AIM2: variants seen among roughly 807,000 people sequenced by gnomAD.
The protein encoded by AIM2 is absent in melanoma 2.
AIM2 carries 30 observed loss-of-function variants against 27.7 expected under a neutral mutation model. The ratio of observed to expected loss-of-function variants is 1.08; its 90% CI spans 0.81 to 1.47. The LOEUF (loss-of-function observed/expected upper bound fraction) is 1.47, where lower values mean the gene tolerates loss of function less well. AIM2 is among the 40% of genes most tolerant of loss of function. The probability of loss-of-function intolerance (pLI) is 0.00; values close to 1 mark genes in which losing one functional copy is unlikely to be tolerated. For synonymous variants in AIM2, 141 were observed against 145.3 expected (o/e 0.97, Z 0.21); for missense variants, 358 against 411.3 (o/e 0.87, Z 1.12).
intron 1 of AIM2, among the ~76,000 whole-genome samples, chr1:159,126,630 C>T (rs568371003): frequency 8.2e-6 from 1 of 121,838 alleles, no homozygotes; most frequent in South Asian, 2.5e-4. Flanking sequence ...GCCTGGGTGA[C>T]AGAGCGAGAC....
At chr1:159,133,453 A>T (rs914232210) in intron 1 of AIM2, among the ~76,000 whole-genome samples, 12 of 152,066 alleles carry the variant, frequency 7.9e-5, no homozygotes, top group Non-Finnish European at 1.6e-4. Context: ...TAGCTTCCTC[A>T]CCACCCTCTC....
chr1:159,080,171 A>C (rs1381507595), upstream of AIM2, among the ~76,000 whole-genome samples: 2 of 152,172 alleles, frequency 1.3e-5, no homozygotes, highest in African/African-American at 4.8e-5. Context: ...TGTGGACTTA[A>C]TTTTTCAACT....
chr1:159,109,062 CA>C (rs1039379123), intron 1 of AIM2, among the ~76,000 whole-genome samples: 5 of 151,954 alleles, frequency 3.3e-5, no homozygotes, highest in Non-Finnish European at 7.4e-5. Context: ...CATAAGGAAC[CA>C]AAAAACAGCT....
At chr1:159,110,797 C>G (rs182260766) in intron 1 of AIM2, among the ~76,000 whole-genome samples, 1 of 152,182 alleles carries the variant, frequency 6.6e-6, no homozygotes, top group African/African-American at 2.4e-5. Flanking sequence ...TCACTGCACA[C>G]ATATTAATTT....
chr1:159,129,342 T>C (rs951313976), intron 1 of AIM2, among the ~76,000 whole-genome samples: 1 of 152,194 alleles, frequency 6.6e-6, no homozygotes, highest in African/African-American at 2.4e-5. Flanking sequence ...TTTGGGGAAA[T>C]TTGTTATGGC....
At chr1:159,109,211 A>T (rs1286154929) in intron 1 of AIM2, among the ~76,000 whole-genome samples, 1 of 152,196 alleles carries the variant, frequency 6.6e-6, no homozygotes, top group Non-Finnish European at 1.5e-5. Flanking sequence ...AAAAATAGGC[A>T]CATAGAGCAA....
intron 1 of AIM2, among the ~76,000 whole-genome samples, chr1:159,107,331 T>TGTGTGTGTGTGC (rs1337639775): frequency 4.0e-5 from 6 of 150,144 alleles, no homozygotes; most frequent in African/African-American, 1.5e-4. Context: ...TGTGTGTGTG[T>TGTGTGTGTGTGC]GCGCGCACTA....
At chr1:159,061,056 A>T (rs996903397), downstream of AIM2, among the ~76,000 whole-genome samples, 1 of 152,306 alleles carries the variant, frequency 6.6e-6, no homozygotes. Flanking sequence ...AGCATTGTAG[A>T]TGCATATTAA....
intron 1 of AIM2, among the ~76,000 whole-genome samples, chr1:159,094,001 A>G (rs556342076): frequency 1.4e-4 from 22 of 152,090 alleles, no homozygotes; most frequent in African/African-American, 5.3e-4. Flanking sequence ...CGGCCTCCTA[A>G]AGTGCTGGGA....
intron 1 of AIM2, among the ~76,000 whole-genome samples, chr1:159,099,455 G>A (rs1480452261): frequency 6.6e-5 from 10 of 152,144 alleles, no homozygotes; most frequent in Non-Finnish European, 1.0e-4. Flanking sequence ...CTTAAGGCAC[G>A]ACTCAGGATT....
At chr1:159,060,868 T>C (rs1655810706), downstream of AIM2, among the ~76,000 whole-genome samples, 1 of 152,238 alleles carries the variant, frequency 6.6e-6, no homozygotes. Flanking sequence ...TGCAGATTTT[T>C]GTGTGAACAT....
intron 2 of AIM2, among the ~76,000 whole-genome samples, chr1:159,072,080 G>GC (rs2101983412): frequency 6.6e-6 from 1 of 152,322 alleles, no homozygotes; most frequent in East Asian, 1.9e-4. Flanking sequence ...GCCTATGTTT[G>GC]CCAATATGCC....
At chr1:159,092,327 T>C (rs756502269) in intron 1 of AIM2, among the ~76,000 whole-genome samples, 1 of 152,176 alleles carries the variant, frequency 6.6e-6, no homozygotes, top group Non-Finnish European at 1.5e-5. Flanking sequence ...GTTATAAATA[T>C]ATATATGCAG....
At position 159,063,552 on chromosome 1, in the gene AIM2, T is replaced by C. The variant is rs752791622; in HGVS notation, c.939A>G (p.Thr313=). 3.1e-6 allele frequency: 5 copies of C among 1,614,090 alleles called. No homozygotes were observed. The African/African-American group carries it at 5.3e-5, about 17-fold the overall frequency. Residue 313 remains threonine, a synonymous_variant, in exon 5 of 6, where the codon ACA becomes ACG. Transcript: ENST00000368130. The stretch of plus-strand genomic sequence containing the variant: ...CTCCATTTTTTGACAGTGTGAAGAA[T>C]GTAAGTCGAACCTTATCTCCTTCCT... ...KCKEGDKVRL[T]FFTLSKNGEK...
chr1:159,059,970 TA>T (rs1313623605), downstream of AIM2, among the ~76,000 whole-genome samples: 4 of 152,122 alleles, frequency 2.6e-5, no homozygotes, highest in African/African-American at 9.7e-5. Context: ...CTGTAGTGTG[TA>T]GACCAGAGAG....
chr1:159,090,141 C>T (rs1657013137), intron 1 of AIM2, among the ~76,000 whole-genome samples: 1 of 152,222 alleles, frequency 6.6e-6, no homozygotes, highest in Non-Finnish European at 1.5e-5. Context: ...GCAGCCCTCA[C>T]TGCAATTTAA....
chr1:159,080,629 C>T (rs1656754843), upstream of AIM2, among the ~76,000 whole-genome samples: 2 of 152,132 alleles, frequency 1.3e-5, no homozygotes. Context: ...GGATTTTAGG[C>T]CTCACCCCCA....
upstream of AIM2, among the ~76,000 whole-genome samples, chr1:159,078,975 C>T (rs1321691873): frequency 6.6e-6 from 1 of 152,066 alleles, no homozygotes; most frequent in Non-Finnish European, 1.5e-5. Flanking sequence ...CATAAATAAA[C>T]CAGGCCAACG....
rs1655924644 is a variant in AIM2 at position 159,063,357 on chromosome 1, G to A, written c.1005+129C>T. On this transcript the variant is annotated intron_variant, in intron 5 of 5. Coordinates refer to ENST00000368130, the MANE Select transcript of AIM2 (RefSeq NM_004833.3). Reference sequence around the variant, plus strand: ...AGAGGGAGGTTCCTCAGTTCTGTGAGATGAACGTGTACTAAATATCAATGT... The same window carrying A: ...AGAGGGAGGTTCCTCAGTTCTGTGAAATGAACGTGTACTAAATATCAATGT... The A allele has an allele frequency of 5.9e-6, 5 of 840,366 alleles. No homozygotes were observed. The African/African-American group carries it at 6.9e-5, about 12-fold the overall frequency. The allele number at this position is 840,366 out of a possible 1,614,324, so 52.1% of individuals were successfully genotyped here.
Sources: allele counts gnomAD v4.1 joint callset (sites outside exome capture counted in the v4.1 genomes callset), GRCh38; gene constraint gnomAD v4.1.1; transcripts MANE v1.5; gene names NCBI Gene and HGNC (gene_info 2026-07-23, HGNC 2026-07-21).